DNAH2: variants seen among roughly 807,000 people sequenced by gnomAD.
DNAH2 encodes dynein axonemal heavy chain 2.
DNAH2 carries 323 observed loss-of-function variants against 523.5 expected under a neutral mutation model. The ratio of observed to expected loss-of-function variants is 0.62; its 90% CI spans 0.56 to 0.68. The LOEUF is 0.68. Ranked by LOEUF, DNAH2 falls within the 30% of genes least tolerant of loss-of-function variation. The pLI is 0.00. For missense variants in DNAH2, 4,907 were observed against 5,701.5 expected, an observed-to-expected ratio of 0.86 and a Z score of 4.49; for synonymous variants, 2,093 against 2,177.4, an observed-to-expected ratio of 0.96 and a Z score of 1.08.
chr17:7,779,593 G>A (rs554853013), intron 36 of DNAH2, among the ~76,000 whole-genome samples, 170 bp downstream of exon 36: 2 of 152,318 alleles, frequency 1.3e-5, no homozygotes, highest in East Asian at 3.9e-4. Flanking sequence ...TCCGGGAGAA[G>A]GGGAAGCAAT....
At position 7,817,274 on chromosome 17, in the gene DNAH2, C is replaced by T. The variant is rs2077698791; in HGVS notation, c.9895-16C>T. The T allele has an allele frequency of 1.3e-6, 2 of 1,584,570 alleles. No homozygotes were observed. The highest frequency in any genetic ancestry group is 2.0e-5 in the Admixed American group (1 of 48,996). Reference sequence around the variant, plus strand: ...GCTGGGGCCCAGGCAGGCTTACCCTCCCTCCTGTCCGCCAGGGCCTGGAGG... The same window carrying T: ...GCTGGGGCCCAGGCAGGCTTACCCTTCCTCCTGTCCGCCAGGGCCTGGAGG... On this transcript the variant is annotated splice_polypyrimidine_tract_variant and intron_variant, in intron 64 of 85. Coordinates refer to ENST00000572933, the MANE Select transcript of DNAH2 (RefSeq NM_020877.5).
chr17:7,749,144 A>G (rs898394621), intron 12 of DNAH2, among the ~76,000 whole-genome samples: 2 of 151,040 alleles, frequency 1.3e-5, no homozygotes, highest in Admixed American at 6.6e-5. Context: ...CCCTGTCTCT[A>G]CTAAAAATAC....
Position 7,798,783 on chromosome 17 carries a change from C to T in DNAH2, c.8559+65C>T. ...GCCTGCCTAGCTGACCCCAGAAGGA[C>T]CACAGCTCCCAGAATGTGCCACTGG... On this transcript the variant is annotated intron_variant, in intron 55 of 85. Transcript: ENST00000572933. This position sits in a 1 kb window ranked among gnomAD's most constrained non-coding sequence, Gnocchi z 5.5. The T allele has an allele frequency of 1.3e-6, 2 of 1,553,238 alleles. No homozygotes were observed. Among genetic ancestry groups the T allele is most frequent in the Non-Finnish European group, 1.7e-6 (2 of 1,147,538 alleles).
At chr17:7,726,730 C>G (rs527986593) in intron 3 of DNAH2, among the ~76,000 whole-genome samples, 2 of 152,282 alleles carry the variant, frequency 1.3e-5, no homozygotes, top group East Asian at 1.9e-4. Flanking sequence ...TACCCTCTCC[C>G]TTTTCCAGCT....
chr17:7,755,042 A>C, intron 12 of DNAH2: 1 of 310,020 alleles, frequency 3.2e-6, no homozygotes, highest in Non-Finnish European at 5.9e-6. Context: ...TCCTATCATA[A>C]ATGGGAGAAA....
intron 12 of DNAH2, 61 bp from the exon 13 acceptor site, chr17:7,757,030 T>C (rs1439945473): frequency 7.5e-6 from 12 of 1,601,326 alleles, no homozygotes; most frequent in African/African-American, 4.0e-5. Flanking sequence ...ACCTGTTCGA[T>C]TGTTGCTCTA....
chr17:7,806,018 C>G (rs2151301424), intron 61 of DNAH2, among the ~76,000 whole-genome samples: 1 of 152,272 alleles, frequency 6.6e-6, no homozygotes, highest in African/African-American at 2.4e-5. Context: ...TTGTAAGTAA[C>G]AGAAAACAGC....
Position 7,718,605 on chromosome 17 carries a change from A to C in DNAH2, c.-209A>C, listed in dbSNP as rs1393154657. The C allele has an allele frequency of 6.6e-6, 1 of 152,464 alleles. No homozygotes were observed. Among genetic ancestry groups the C allele is most frequent in the Admixed American group, 6.6e-5 (1 of 15,258 alleles). 9.4% of individuals were successfully genotyped at this position (152,464 alleles called of 1,614,324 possible). A position where few individuals can be genotyped will look rare whatever the true frequency, so the allele number is the denominator to read the frequency against. Reference sequence around the variant, plus strand: ...GCCCCAATTGCTTTTTCCTCATGACACAATTTGAAATTTATGATTGGATGA... The same window carrying C: ...GCCCCAATTGCTTTTTCCTCATGACCCAATTTGAAATTTATGATTGGATGA... On this transcript the variant is annotated 5_prime_UTR_variant, in exon 1 of 86. Coordinates refer to ENST00000572933, the MANE Select transcript of DNAH2 (RefSeq NM_020877.5).
chr17:7,823,574 C>T lies in DNAH2; in HGVS notation c.11275C>T (p.Arg3759Cys), dbSNP rs148675855. 2.7e-5 allele frequency: 43 copies of T among 1,614,204 alleles called. 1 individual carries two copies. Among genetic ancestry groups the T allele is most frequent in the East Asian group, 1.6e-4 (7 of 44,878 alleles). The part of the protein sequence containing the change: ...GLMNSFEQYP[R>C]DWHLWYTNAA... ...CATGAACTCCTTTGAGCAGTACCCT[C>T]GTGACTGGCACCTGTGGTATACCAA... Residue 3759 changes from arginine to cysteine, a missense_variant, in exon 74 of 86, where the codon CGT (arginine) becomes TGT (cysteine). Arg to Cys is a radical substitution (Grantham distance 180). Around this residue, in one of 3 missense-constraint regions of DNAH2, gnomAD observed 1,851 missense variants for 2,139.4 expected, o/e 0.87. Transcript: ENST00000572933.
intron 56 of DNAH2, among the ~76,000 whole-genome samples, chr17:7,799,704 G>A (rs2077169870): frequency 6.6e-6 from 1 of 152,068 alleles, no homozygotes; most frequent in Non-Finnish European, 1.5e-5. Flanking sequence ...TGTAGTCCCA[G>A]CTACTCAGGA....
chr17:7,763,144 T>C (rs1009759451), intron 18 of DNAH2, among the ~76,000 whole-genome samples: 12 of 151,220 alleles, frequency 7.9e-5, no homozygotes. Flanking sequence ...CCCAGCTAAT[T>C]TTTGTATATT....
chr17:7,787,150 T>G, intron 42 of DNAH2, 117 bp downstream of exon 42: 1 of 1,318,362 alleles, frequency 7.6e-7, no homozygotes, highest in East Asian at 2.5e-5. Context: ...GGGAGAGAGC[T>G]GAAAGGTGGA....
At chr17:7,762,189 T>A (rs754039279) in intron 18 of DNAH2, among the ~76,000 whole-genome samples, 2 of 152,224 alleles carry the variant, frequency 1.3e-5, no homozygotes, top group Non-Finnish European at 2.9e-5. Flanking sequence ...GCTCGTGTAC[T>A]GTGTTATTAC....
intron 63 of DNAH2, 89 bp from the exon 64 acceptor site, chr17:7,816,468 AAGCTACAAAATGGC>A (rs1474139988): frequency 1.6e-5 from 22 of 1,358,232 alleles, no homozygotes; most frequent in South Asian, 2.7e-5. Flanking sequence ...TAATTTAACA[AAGCTACAAAATGGC>A]AGCTACAAAA....
At chr17:7,810,058 CT>C (rs958468992) in intron 63 of DNAH2, among the ~76,000 whole-genome samples, 5 of 141,038 alleles carry the variant, frequency 3.5e-5, no homozygotes, top group East Asian at 2.0e-4. Context: ...TCTTTTCTTT[CT>C]TTTTTTTCTT....
chr17:7,817,050 G>A (rs1392871625), intron 64 of DNAH2, among the ~76,000 whole-genome samples: 1 of 152,196 alleles, frequency 6.6e-6, no homozygotes, highest in Non-Finnish European at 1.5e-5. Context: ...GCCCCTCAGT[G>A]AGCTCCTGGC....
chr17:7,807,059 T>C lies in DNAH2; in HGVS notation c.9443-91T>C. ...CCTTAGGAACTGAGCCCAGGAAAAA[T>C]GTGGCTATGCGTGAGTAGTGGAGGT... On this transcript the variant is annotated intron_variant, in intron 61 of 85. Coordinates refer to ENST00000572933, the MANE Select transcript of DNAH2 (RefSeq NM_020877.5). The surrounding 1 kb of genome is among the most constrained non-coding windows in gnomAD (Gnocchi z 5.6). 4 of 1,463,246 alleles carry C rather than the reference T, an allele frequency of 2.7e-6. No individual in the cohort carries two copies. The highest frequency in any genetic ancestry group is 4.1e-5 in the Admixed American group (2 of 49,180). 90.6% of individuals were successfully genotyped at this position (1,463,246 alleles called of 1,614,324 possible).
chr17:7,796,394 G>T, intron 49 of DNAH2, 70 bp from the exon 50 acceptor site: 5 of 1,545,252 alleles, frequency 3.2e-6, no homozygotes, highest in Non-Finnish European at 4.4e-6. Context: ...CATGAGCCAA[G>T]CTCTTTATTG....
At chr17:7,809,215 C>T (rs1295308116) in intron 63 of DNAH2, among the ~76,000 whole-genome samples, 1 of 152,202 alleles carries the variant, frequency 6.6e-6, no homozygotes, top group Non-Finnish European at 1.5e-5. Context: ...GGTTCGACCT[C>T]CACAGATCAG....
Sources: gnomAD v4.1 joint callset for allele counts (sites outside exome capture counted in the v4.1 genomes callset) on GRCh38, gnomAD v4.1.1 for gene constraint, gnomAD v4.1.1 regional missense constraint, Gnocchi (gnomAD v3.1) non-coding constraint, MANE v1.5 for transcripts, NCBI Gene and HGNC (gene_info 2026-07-23, HGNC 2026-07-21) for gene names.